Variants in FAM117B observed in about 807,000 individuals in gnomAD.
The protein encoded by FAM117B is family with sequence similarity 117 member B, also known as protein FAM117B.
Under a neutral mutation model 52.8 loss-of-function variants are expected in FAM117B, and 22 were observed. The observed-to-expected ratio is 0.42, with a 90% confidence interval of 0.30 to 0.59. The LOEUF (loss-of-function observed/expected upper bound fraction) is 0.59, where lower values mean the gene tolerates loss of function less well. Ranked by LOEUF, FAM117B falls within the 20% of genes least tolerant of loss-of-function variation. The pLI is 0.22. For missense variants in FAM117B, 678 were observed against 802.6 expected, an observed-to-expected ratio of 0.84 and a Z score of 1.88; for synonymous variants, 309 against 324.1, an observed-to-expected ratio of 0.95 and a Z score of 0.50.
At chr2:202,653,054 C>T (rs1689979418) in intron 1 of FAM117B, among the ~76,000 whole-genome samples, 1 of 152,140 alleles carries the variant, frequency 6.6e-6, no homozygotes, top group Admixed American at 6.5e-5. Context: ...CACTTGAGCT[C>T]AGGAGTTTTC....
intron 2 of FAM117B, among the ~76,000 whole-genome samples, chr2:202,719,724 A>G (rs1433761647): frequency 6.6e-6 from 1 of 152,084 alleles, no homozygotes; most frequent in Non-Finnish European, 1.5e-5. Flanking sequence ...CTCTGTAGCA[A>G]TTTCCCCTGT....
intron 2 of FAM117B, among the ~76,000 whole-genome samples, chr2:202,720,477 A>G (rs1406160080): frequency 1.3e-5 from 2 of 151,910 alleles, no homozygotes; most frequent in Non-Finnish European, 1.5e-5. Context: ...TTATCCCTAC[A>G]TATTTTGATA....
intron 5 of FAM117B, among the ~76,000 whole-genome samples, chr2:202,756,844 A>T (rs1004665013): frequency 3.9e-5 from 6 of 152,212 alleles, no homozygotes; most frequent in Non-Finnish European, 8.8e-5. Context: ...CCTGGTTCAC[A>T]TGATGAATAA....
chr2:202,705,158 T>A (rs1348613615), intron 2 of FAM117B, among the ~76,000 whole-genome samples: 1 of 151,644 alleles, frequency 6.6e-6, no homozygotes, highest in African/African-American at 2.4e-5. Flanking sequence ...AATACAAAAT[T>A]AGCCGAGTGT....
rs1574534297 is a variant in FAM117B at position 202,635,342 on chromosome 2, G to A, written c.155G>A (p.Gly52Asp). ...AAGCAGCAGCAGCAGCAGCAACATG[G>A]CAGCCCCACGCGGAGCGGCGGCGGC... ...QLKQQQQQQH[G>D]SPTRSGGGGG... The change falls in exon 1 of 8, where the codon GGC becomes GAC. Residue 52 changes from glycine to aspartate, a missense_variant. Transcript: ENST00000392238. 1.0e-5 allele frequency: 14 copies of A among 1,383,372 alleles called. No homozygotes were observed. Among genetic ancestry groups the A allele is most frequent in the South Asian group, 1.6e-5 (1 of 63,048 alleles). The allele number at this position is 1,383,372 out of a possible 1,614,324, so 85.7% of individuals were successfully genotyped here.
chr2:202,650,634 A>G (rs1389601579), intron 1 of FAM117B, among the ~76,000 whole-genome samples: 7 of 152,158 alleles, frequency 4.6e-5, no homozygotes, highest in Non-Finnish European at 1.0e-4. Flanking sequence ...CAAAACCTTA[A>G]AAGTAGGGAA....
At chr2:202,758,316 T>C (rs1479169082) in intron 6 of FAM117B, among the ~76,000 whole-genome samples, 1 of 152,230 alleles carries the variant, frequency 6.6e-6, no homozygotes, top group Admixed American at 6.5e-5. Context: ...TGTTACTCTT[T>C]GGACTTTTAT....
At position 202,768,718 on chromosome 2, in the gene FAM117B, A is replaced by G. The variant is rs1157530842; in HGVS notation, c.*2954A>G. 6 of 152,560 alleles carry G rather than the reference A, an allele frequency of 3.9e-5. No individual in the cohort carries two copies. 9.5% of individuals were successfully genotyped at this position (152,560 alleles called of 1,614,324 possible). ...AAAGTTACACTCCATAATTATTGTT[A>G]TTCTGTAGAAAACTGTACAGAAGGT... On this transcript the variant is annotated 3_prime_UTR_variant, in exon 8 of 8. Transcript: ENST00000392238.
intron 6 of FAM117B, 146 bp from the exon 7 acceptor site, chr2:202,759,087 C>A: frequency 1.2e-6 from 1 of 803,854 alleles, no homozygotes; most frequent in Non-Finnish European, 1.9e-6. Flanking sequence ...TTTGTGTGTG[C>A]ATTTATTTAA....
chr2:202,729,461 G>A (rs1691306580), intron 4 of FAM117B, among the ~76,000 whole-genome samples: 1 of 152,178 alleles, frequency 6.6e-6, no homozygotes, highest in South Asian at 2.1e-4. Context: ...GTACTTCTGA[G>A]GCCATTCATC....
At chr2:202,747,205 A>T (rs1018323158) in intron 4 of FAM117B, among the ~76,000 whole-genome samples, 2 of 152,196 alleles carry the variant, frequency 1.3e-5, no homozygotes, top group South Asian at 2.1e-4. Context: ...GATACAGAAA[A>T]ACCATGTGAT....
rs1204261808 is a variant in FAM117B, at chr2:202,697,534, AT to A, written c.753+1512del. On this transcript the variant is annotated intron_variant, in intron 2 of 7. Transcript: ENST00000392238. The stretch of plus-strand genomic sequence containing the variant: ...CTCCTGGTCTCAACATTTTTTGAAG[AT>A]TTTTTTTTTCTTTCTTTTTTTTTTT... Among the ~76,000 whole-genome samples the A allele has an allele frequency of 5.6e-3, 815 of 145,044 alleles. 2 individuals carry two copies. The highest frequency in any genetic ancestry group is 0.017 in the African/African-American group (692 of 39,596).
chr2:202,641,791 AC>A (rs1471395006), intron 1 of FAM117B, among the ~76,000 whole-genome samples: 1 of 149,900 alleles, frequency 6.7e-6, no homozygotes, highest in African/African-American at 2.5e-5. Flanking sequence ...GGCGCCTGCC[AC>A]CACGCCCAGC....
intron 4 of FAM117B, among the ~76,000 whole-genome samples, chr2:202,751,928 T>G (rs1206788824): frequency 6.6e-6 from 1 of 152,012 alleles, no homozygotes; most frequent in East Asian, 1.9e-4. Flanking sequence ...AACTTAAAAT[T>G]TTCTTTCCTT....
intron 1 of FAM117B, among the ~76,000 whole-genome samples, chr2:202,649,618 C>T (rs1689926446): frequency 6.6e-6 from 1 of 151,952 alleles, no homozygotes; most frequent in Non-Finnish European, 1.5e-5. Flanking sequence ...ATGGCGTGAT[C>T]TCGGCACATT....
At chr2:202,691,671 G>A (rs1279025711) in intron 1 of FAM117B, among the ~76,000 whole-genome samples, 3 of 149,626 alleles carry the variant, frequency 2.0e-5, no homozygotes, top group Non-Finnish European at 4.4e-5. Flanking sequence ...GTGTGTGTGT[G>A]TGTGTGTGTG....
chr2:202,644,956 T>A (rs1689837986), intron 1 of FAM117B, among the ~76,000 whole-genome samples: 1 of 152,200 alleles, frequency 6.6e-6, no homozygotes, highest in African/African-American at 2.4e-5. Flanking sequence ...GTCTAGAGAC[T>A]ATTTCTGGGA....
In FAM117B at chr2:202,759,808, C is replaced by T. The variant is rs560889522; in HGVS notation, c.1451+455C>T. Among the ~76,000 whole-genome samples, 10 of 152,088 alleles carry T rather than the reference C, an allele frequency of 6.6e-5. No homozygotes were observed. In the South Asian group the frequency reaches 1.0e-3, roughly 16 times the overall value. On this transcript the variant is annotated intron_variant, in intron 7 of 7. Transcript: ENST00000392238. ...TCCTGACTTCGTGATCCACCTGCCT[C>T]GGCCTACCAAAGTGCTGGGATTACA...
At chr2:202,694,035 A>T (rs1324325544) in intron 1 of FAM117B, among the ~76,000 whole-genome samples, 1 of 152,094 alleles carries the variant, frequency 6.6e-6, no homozygotes, top group East Asian at 1.9e-4. Context: ...ACTATGGGGT[A>T]AGGGTAGTTA....
Sources: gnomAD v4.1 joint callset for allele counts (sites outside exome capture counted in the v4.1 genomes callset) on GRCh38, gnomAD v4.1.1 for gene constraint, MANE v1.5 for transcripts, NCBI Gene and HGNC (gene_info 2026-07-23, HGNC 2026-07-21) for gene names.